Variants in PID1 observed in about 807,000 individuals in gnomAD.
PID1 encodes PTB-containing, cubilin and LRP1-interacting protein.
In PID1, 10 loss-of-function variants were observed where a neutral mutation model predicts 19.1. The observed-to-expected ratio is 0.52, with a 90% CI of 0.32 to 0.89. The LOEUF (loss-of-function observed/expected upper bound fraction) is 0.89. Among genes scored for constraint, PID1 ranks in the 40% least tolerant of loss-of-function variants. The pLI is 0.03. For missense variants in PID1, 248 were observed against 285.3 expected, an observed-to-expected ratio of 0.87 and a Z score of 0.94; for synonymous variants, 130 against 116.0, an observed-to-expected ratio of 1.12 and a Z score of -0.78.
At chr2:229,195,913 A>G (rs559688518) in intron 1 of PID1, among the ~76,000 whole-genome samples, 1 of 152,106 alleles carries the variant, frequency 6.6e-6, no homozygotes, top group Non-Finnish European at 1.5e-5. Context: ...GAATATATAG[A>G]ACCCACATTT....
chr2:229,061,230 A>T (rs1574595867), intron 2 of PID1, among the ~76,000 whole-genome samples: 1 of 152,204 alleles, frequency 6.6e-6, no homozygotes, highest in Non-Finnish European at 1.5e-5. Context: ...GTAATTTTAT[A>T]GTTTCAGGCC....
chr2:229,110,910 A>G (rs1184982153), intron 2 of PID1, among the ~76,000 whole-genome samples: 5 of 152,088 alleles, frequency 3.3e-5, no homozygotes, highest in African/African-American at 9.7e-5. Context: ...CTCGAATCTC[A>G]TCTTGGATTG....
intron 1 of PID1, among the ~76,000 whole-genome samples, chr2:229,227,296 C>T (rs988629563): frequency 2.0e-5 from 3 of 152,192 alleles, no homozygotes; most frequent in Admixed American, 6.5e-5. Flanking sequence ...ACAATAGGCA[C>T]GTTTCAAGTG....
intron 1 of PID1, among the ~76,000 whole-genome samples, chr2:229,208,741 G>A (rs1001194676): frequency 1.3e-5 from 2 of 152,148 alleles, no homozygotes; most frequent in Non-Finnish European, 2.9e-5. Flanking sequence ...AGCAACATGT[G>A]TCCCTTAACT....
intron 2 of PID1, among the ~76,000 whole-genome samples, chr2:229,136,927 G>T (rs1164526331): frequency 6.6e-6 from 1 of 152,152 alleles, no homozygotes; most frequent in Non-Finnish European, 1.5e-5. Flanking sequence ...TTCTCTTGGA[G>T]AAATGAGCCA....
intron 1 of PID1, among the ~76,000 whole-genome samples, chr2:229,226,138 CA>C (rs768288524): frequency 2.0e-4 from 31 of 152,138 alleles, no homozygotes; most frequent in Admixed American, 3.3e-4. Context: ...CATCTGTTTC[CA>C]GCCAGGATGC....
At chr2:229,083,445 G>T (rs186006652) in intron 2 of PID1, among the ~76,000 whole-genome samples, 1 of 152,090 alleles carries the variant, frequency 6.6e-6, no homozygotes, top group Non-Finnish European at 1.5e-5. Flanking sequence ...ATTAGACAGG[G>T]AAAAGGAGCC....
intron 2 of PID1, among the ~76,000 whole-genome samples, chr2:229,111,492 T>C (rs538871581): frequency 6.6e-6 from 1 of 152,340 alleles, no homozygotes; most frequent in East Asian, 1.9e-4. Context: ...AGATATTTTA[T>C]ATTTATTTGA....
chr2:229,087,248 T>C (rs1014174), intron 2 of PID1, among the ~76,000 whole-genome samples: 57,085 of 152,030 alleles, frequency 0.38, 11,925 homozygotes, highest in Middle Eastern at 0.56. Flanking sequence ...AGAGCACGCA[T>C]ACATTTTTCA....
At chr2:229,139,914 C>A (rs1689975530) in intron 2 of PID1, among the ~76,000 whole-genome samples, 1 of 152,110 alleles carries the variant, frequency 6.6e-6, no homozygotes, top group Admixed American at 6.6e-5. Flanking sequence ...GTTTTTCTCA[C>A]CCTCCACATG....
At chr2:229,076,226 A>T (rs1308184189) in intron 2 of PID1, among the ~76,000 whole-genome samples, 1 of 152,022 alleles carries the variant, frequency 6.6e-6, no homozygotes, top group African/African-American at 2.4e-5. Context: ...TTTCCTCAAC[A>T]CCCAATCTCT....
chr2:229,241,055 CT>C (rs1689853719), intron 1 of PID1, among the ~76,000 whole-genome samples: 2 of 152,040 alleles, frequency 1.3e-5, no homozygotes, highest in Non-Finnish European at 2.9e-5. Flanking sequence ...CTATCTGGCC[CT>C]TTTGTAAACT....
chr2:229,152,418 T>C (rs554252404), intron 2 of PID1, among the ~76,000 whole-genome samples: 10 of 152,316 alleles, frequency 6.6e-5, no homozygotes, highest in African/African-American at 2.2e-4. Context: ...ACAATACCTA[T>C]TTTTATTCCT....
chr2:229,134,164 C>G (rs894095109), intron 2 of PID1, among the ~76,000 whole-genome samples: 1 of 151,430 alleles, frequency 6.6e-6, no homozygotes, highest in African/African-American at 2.4e-5. Context: ...AGGCCGATCT[C>G]TGGCTTCATT....
chr2:229,047,286 C>T (rs1049383459), intron 2 of PID1, among the ~76,000 whole-genome samples: 1 of 152,160 alleles, frequency 6.6e-6, no homozygotes, highest in Non-Finnish European at 1.5e-5. Flanking sequence ...GATGATCCTT[C>T]CATCTGGCCC....
chr2:229,251,818 C>T (rs1690158190), intron 1 of PID1, among the ~76,000 whole-genome samples: 1 of 151,792 alleles, frequency 6.6e-6, no homozygotes, highest in Non-Finnish European at 1.5e-5. Context: ...TACAAGAAAT[C>T]AACAATATGT....
rs771563104 is a variant in PID1 at position 229,025,933 on chromosome 2, T to C, written c.353A>G (p.Lys118Arg). ...ATCCATGTGCACTGTGGCCTCCCCT[T>C]TGTGGTCGAGATGATGGAGCCAAAC... is the stretch of plus-strand genomic sequence containing the variant. ...FQVWLHHLDH[K>R]GEATVHMDTF... Residue 118 changes from lysine to arginine, a missense_variant, in exon 3 of 3, where the codon AAA (lysine) becomes AGA (arginine). Lys to Arg is a conservative substitution (Grantham distance 26). Coordinates refer to ENST00000392055, the MANE Select transcript of PID1 (RefSeq NM_001100818.2). 3 of 1,614,026 alleles carry C rather than the reference T, an allele frequency of 1.9e-6. No homozygotes were observed. The highest frequency in any genetic ancestry group is 1.7e-6 in the Non-Finnish European group (2 of 1,180,008).
chr2:229,040,317 C>CAACA (rs113818466), intron 2 of PID1, among the ~76,000 whole-genome samples: 43,047 of 150,856 alleles, frequency 0.29, 6,316 homozygotes, highest in African/African-American at 0.33. Context: ...AAGACATCGT[C>CAACA]AACAAACAAA....
rs1192258173 is a variant in PID1 at position 229,271,057 on chromosome 2, G to C, written c.-14C>G. 1.9e-6 allele frequency: 3 copies of C among 1,544,420 alleles called. No individual in the cohort carries two copies. Among genetic ancestry groups the C allele is most frequent in the Non-Finnish European group, 2.6e-6 (3 of 1,144,666 alleles). ...CGGCTGCCACATCTTCCAGCCCTGG[G>C]TTTTGGCAGAGGAGACGCTGGCGAG... On this transcript the variant is annotated 5_prime_UTR_variant, in exon 1 of 3. Coordinates refer to ENST00000392055, the MANE Select transcript of PID1 (RefSeq NM_001100818.2).
Sources: gnomAD v4.1 joint callset for allele counts (sites outside exome capture counted in the v4.1 genomes callset) on GRCh38, gnomAD v4.1.1 for gene constraint, MANE v1.5 for transcripts, NCBI Gene and HGNC (gene_info 2026-07-23, HGNC 2026-07-21) for gene names.